The following STEAP1B variants were observed in gnomAD, a reference collection of about 807,000 sequenced individuals.
STEAP1B encodes the protein STEAP family member 1B, also known as STEAP family protein MGC87042.
A neutral mutation model predicts 27.9 loss-of-function variants in STEAP1B; 13 were observed. The ratio of observed to expected loss-of-function variants is 0.47; its 90% CI spans 0.30 to 0.74. The LOEUF (loss-of-function observed/expected upper bound fraction) is 0.74. Among genes scored for constraint, STEAP1B ranks in the 30% least tolerant of loss-of-function variants. The probability of loss-of-function intolerance (pLI) is 0.06; values close to 1 mark genes in which losing one functional copy is unlikely to be tolerated. For synonymous variants in STEAP1B, 86 were observed against 107.1 expected, an observed-to-expected ratio of 0.80 and a Z score of 1.22; for missense variants, 250 against 298.7, an observed-to-expected ratio of 0.84 and a Z score of 1.20.
At chr7:22,459,603 T>C (rs1456672593) in intron 4 of STEAP1B, among the ~76,000 whole-genome samples, 1 of 152,242 alleles carries the variant, frequency 6.6e-6, no homozygotes, top group Non-Finnish European at 1.5e-5. Context: ...GTATTTTCCC[T>C]GTTTATGACA....
intron 4 of STEAP1B, among the ~76,000 whole-genome samples, chr7:22,442,540 C>T (rs1785350085): frequency 6.6e-6 from 1 of 152,210 alleles, no homozygotes; most frequent in Non-Finnish European, 1.5e-5. Flanking sequence ...TTCCCAAATA[C>T]CTGGGGTTGG....
intron 4 of STEAP1B, among the ~76,000 whole-genome samples, chr7:22,436,252 A>T (rs2128400962): frequency 6.6e-6 from 1 of 152,348 alleles, no homozygotes; most frequent in South Asian, 2.1e-4. Context: ...AAAGCTGTAC[A>T]TATGTAATGT....
At chr7:22,489,249 C>G (rs1200540310) in intron 4 of STEAP1B, among the ~76,000 whole-genome samples, 2 of 152,152 alleles carry the variant, frequency 1.3e-5, no homozygotes, top group Non-Finnish European at 2.9e-5. Flanking sequence ...AATAATGTAA[C>G]TAGTAGTTAC....
At chr7:22,487,804 CAAAAAAAAA>C (rs200447382) in intron 4 of STEAP1B, among the ~76,000 whole-genome samples, 4 of 81,360 alleles carry the variant, frequency 4.9e-5, no homozygotes, top group Admixed American at 1.3e-4. Flanking sequence ...AAACTCCACC[CAAAAAAAAA>C]AAAAAAAAAG....
chr7:22,433,956 A>G (rs912498484), intron 4 of STEAP1B, among the ~76,000 whole-genome samples: 1 of 152,154 alleles, frequency 6.6e-6, no homozygotes. Context: ...GGAGGCACCT[A>G]CATCCATTGG....
chr7:22,490,435 T>A (rs1371523770), intron 4 of STEAP1B, among the ~76,000 whole-genome samples: 1 of 152,244 alleles, frequency 6.6e-6, no homozygotes, highest in South Asian at 2.1e-4. Context: ...GGTCCATGTT[T>A]ACTAAATGAT....
intron 4 of STEAP1B, among the ~76,000 whole-genome samples, chr7:22,464,948 C>T (rs865774377): frequency 6.7e-5 from 3 of 45,034 alleles, no homozygotes; most frequent in Admixed American, 3.1e-4. Context: ...TACCAAACCC[C>T]ATATATATAT....
chr7:22,479,700 T>C (rs1451830326), intron 4 of STEAP1B, among the ~76,000 whole-genome samples: 1 of 148,326 alleles, frequency 6.7e-6, no homozygotes, highest in Non-Finnish European at 1.5e-5. Flanking sequence ...TTTTTTTTTT[T>C]CTGAGATAGA....
At chr7:22,492,488 G>C (rs536127109) in intron 4 of STEAP1B, 77 bp downstream of exon 4, 7 of 1,455,036 alleles carry the variant, frequency 4.8e-6, no homozygotes, top group Middle Eastern at 1.8e-4. Context: ...ATTTTTTATG[G>C]GGTAAAGCCA....
chr7:22,471,900 A>C (rs1314473182), intron 4 of STEAP1B, among the ~76,000 whole-genome samples: 1 of 150,652 alleles, frequency 6.6e-6, no homozygotes, highest in Non-Finnish European at 1.5e-5. Context: ...CTCCAAAAAA[A>C]AAAAAAAAAA....
At chr7:22,496,882 A>T (rs12539559) in intron 1 of STEAP1B, among the ~76,000 whole-genome samples, 13,127 of 152,282 alleles carry the variant, frequency 0.086, 659 homozygotes, top group African/African-American at 0.097. Context: ...GGATAACGAG[A>T]TGCTTTTATA....
chr7:22,452,096 G>A (rs890580287), intron 4 of STEAP1B, among the ~76,000 whole-genome samples: 3 of 152,168 alleles, frequency 2.0e-5, no homozygotes, highest in Non-Finnish European at 4.4e-5. Flanking sequence ...GACAAAGGAT[G>A]ATTAACTCCT....
intron 4 of STEAP1B, 30 bp from the exon 5 acceptor site, chr7:22,419,866 T>C (rs146582401): frequency 2.6e-6 from 4 of 1,546,566 alleles, no homozygotes; most frequent in Admixed American, 2.0e-5. Flanking sequence ...AAAGAGTTGA[T>C]GTATAGAAGT....
chr7:22,483,209 A>C (rs1375087697), intron 4 of STEAP1B, among the ~76,000 whole-genome samples: 1 of 152,110 alleles, frequency 6.6e-6, no homozygotes, highest in South Asian at 2.1e-4. Flanking sequence ...CTGAGGATAC[A>C]GGACAAAATT....
intron 4 of STEAP1B, among the ~76,000 whole-genome samples, chr7:22,491,759 T>A (rs1403011698): frequency 6.6e-6 from 1 of 152,156 alleles, no homozygotes; most frequent in African/African-American, 2.4e-5. Flanking sequence ...AGGTAAGGAC[T>A]AAGGACTTAC....
rs115427589 is a variant in STEAP1B at position 22,420,851 on chromosome 7, A to G, written c.763-1015T>C. 5.0e-3 allele frequency among the ~76,000 whole-genome samples: 765 copies of G among 152,318 alleles called. 4 individuals carry two copies. Among genetic ancestry groups the G allele is most frequent in the African/African-American group, 0.018 (739 of 41,554 alleles). ...CAAACAACCCTGTGAAGAAGGCACT[A>G]TTATCTTACAGATGAAGAAACTGAG... On this transcript the variant is annotated intron_variant, in intron 4 of 4. Coordinates refer to ENST00000678116, the MANE Select transcript of STEAP1B (RefSeq NM_001382447.1).
intron 4 of STEAP1B, among the ~76,000 whole-genome samples, chr7:22,480,543 G>C (rs1690992158): frequency 6.6e-6 from 1 of 152,206 alleles, no homozygotes; most frequent in Non-Finnish European, 1.5e-5. Context: ...AAAGCTCAGA[G>C]ACAGGGAAAG....
chr7:22,456,952 C>CTATATATATATATATATATATATA (rs199847360), intron 4 of STEAP1B, among the ~76,000 whole-genome samples: 23 of 73,214 alleles, frequency 3.1e-4, no homozygotes, highest in South Asian at 6.3e-4. Flanking sequence ...GGATAGGCAG[C>CTATATATATATATATATATATATA]TATATATATA....
intron 4 of STEAP1B, among the ~76,000 whole-genome samples, chr7:22,446,978 T>A (rs961194999): frequency 7.2e-5 from 11 of 152,234 alleles, no homozygotes; most frequent in Non-Finnish European, 1.3e-4. Context: ...TTAATTTTTA[T>A]AGGAATATAG....
Sources: allele counts gnomAD v4.1 joint callset (sites outside exome capture counted in the v4.1 genomes callset), GRCh38; gene constraint gnomAD v4.1.1; transcripts MANE v1.5; gene names NCBI Gene and HGNC (gene_info 2026-07-23, HGNC 2026-07-21).